Variants in CDH26 observed in about 807,000 individuals in gnomAD.
CDH26 encodes cadherin 26, also known as cadherin-like protein 26.
In CDH26, 83 loss-of-function variants were observed where a neutral mutation model predicts 90.3. That is an observed-to-expected ratio of 0.92 (90% CI 0.77 to 1.10). CDH26 has a LOEUF of 1.10. Ranked by LOEUF, CDH26 falls within the 50% of genes least tolerant of loss-of-function variation. The pLI, the probability that CDH26 is intolerant of heterozygous loss-of-function variation, is 0.00. For missense variants in CDH26, 1,013 were observed against 1,037.6 expected, an observed-to-expected ratio of 0.98 and a Z score of 0.33; for synonymous variants, 397 against 396.3, an observed-to-expected ratio of 1.00 and a Z score of -0.02.
Position 59,970,196 on chromosome 20 carries a change from C to T in CDH26, c.231+10C>T, listed in dbSNP as rs1407595449. On this transcript the variant is annotated intron_variant, in intron 3 of 17. Coordinates refer to ENST00000348616, the MANE Select transcript of CDH26 (RefSeq NM_177980.4). ...CAAACTCATTGGTGAGGTAAGGTGC[C>T]TACTCTTAAGGAATGACCCCATCAT... The T allele has an allele frequency of 1.2e-6, 2 of 1,612,484 alleles. No homozygotes were observed. Among genetic ancestry groups the T allele is most frequent in the Admixed American group, 3.3e-5 (2 of 59,738 alleles).
chr20:59,965,529 C>G (rs1473865161), intron 1 of CDH26, among the ~76,000 whole-genome samples: 3 of 152,096 alleles, frequency 2.0e-5, no homozygotes, highest in Non-Finnish European at 2.9e-5. Flanking sequence ...AAAAGTGCCA[C>G]TATCTATATA....
intron 14 of CDH26, among the ~76,000 whole-genome samples, chr20:60,000,841 C>G (rs1327411298): frequency 1.3e-5 from 2 of 152,194 alleles, no homozygotes; most frequent in Non-Finnish European, 2.9e-5. Flanking sequence ...TATGGGGTAA[C>G]CTGATACTTT....
At chr20:60,025,811 T>A (rs2061992607) in intron 7 of CDH26, among the ~76,000 whole-genome samples, 1 of 152,206 alleles carries the variant, frequency 6.6e-6, no homozygotes, top group Admixed American at 6.5e-5. Flanking sequence ...GCACCTAGAC[T>A]GCCAAGCACT....
At chr20:60,002,553 T>C (rs2061690753) in intron 15 of CDH26, among the ~76,000 whole-genome samples, 1 of 152,104 alleles carries the variant, frequency 6.6e-6, no homozygotes, top group African/African-American at 2.4e-5. Context: ...ATTCAGGGCA[T>C]GGCCATGGCA....
intron 7 of CDH26, among the ~76,000 whole-genome samples, chr20:60,029,919 AAATAAATG>A (rs982396370): frequency 2.0e-4 from 31 of 152,160 alleles, no homozygotes; most frequent in Non-Finnish European, 4.0e-4. Context: ...CACCAAAAAT[AAATAAATG>A]AATAAATGAA....
chr20:59,989,848 G>T (rs908904807), intron 9 of CDH26, among the ~76,000 whole-genome samples: 13 of 151,928 alleles, frequency 8.6e-5, no homozygotes, highest in Non-Finnish European at 2.9e-5. Context: ...AAAAGTGAGG[G>T]TTTTTTTTGT....
At chr20:60,008,464 T>G (rs1431305870) in intron 17 of CDH26, among the ~76,000 whole-genome samples, 1 of 152,106 alleles carries the variant, frequency 6.6e-6, no homozygotes, top group Non-Finnish European at 1.5e-5. Flanking sequence ...GGGGGCTCAT[T>G]AAAAAGCAGC....
chr20:59,973,987 T>C (rs1197030839), intron 4 of CDH26, among the ~76,000 whole-genome samples: 2 of 152,242 alleles, frequency 1.3e-5, no homozygotes, highest in African/African-American at 4.8e-5. Flanking sequence ...TCCACAATGG[T>C]TGAAGTAATT....
At chr20:59,994,619 T>A in intron 11 of CDH26, 130 bp downstream of exon 11, 1 of 1,168,222 alleles carries the variant, frequency 8.6e-7, no homozygotes, top group Non-Finnish European at 1.2e-6. Flanking sequence ...GAGCTGGCTC[T>A]AGGTGCTCAA....
At chr20:60,010,050 C>T (rs536550383) in intron 17 of CDH26, among the ~76,000 whole-genome samples, 18 of 152,234 alleles carry the variant, frequency 1.2e-4, no homozygotes, top group Middle Eastern at 3.4e-3. Context: ...AGCATTCCCG[C>T]GCTTCTCGTG....
intron 1 of CDH26, among the ~76,000 whole-genome samples, chr20:59,967,012 G>A (rs2061157922): frequency 6.6e-6 from 1 of 152,000 alleles, no homozygotes; most frequent in Non-Finnish European, 1.5e-5. Context: ...AATGTTATGG[G>A]ATGATGATTA....
At position 59,996,768 on chromosome 20, in the gene CDH26, G is replaced by A. The variant is rs756721221; in HGVS notation, c.2019+7G>A. On this transcript the variant is annotated splice_region_variant and intron_variant, in intron 13 of 17. Transcript: ENST00000348616. The stretch of plus-strand genomic sequence containing the variant: ...CAAAGGCACTTCAGCCCAGGTAGTG[G>A]AATGTCATGCTTTGTGTCTTATGGC... The A allele has an allele frequency of 1.2e-6, 2 of 1,614,222 alleles. No individual in the cohort carries two copies. The highest frequency in any genetic ancestry group is 1.7e-6 in the Non-Finnish European group (2 of 1,180,040).
chr20:59,967,681 G>C (rs1359047909), intron 1 of CDH26, among the ~76,000 whole-genome samples: 1 of 150,800 alleles, frequency 6.6e-6, no homozygotes, highest in African/African-American at 2.4e-5. Context: ...CCTTTCGTTT[G>C]CTGCTGGTTC....
At chr20:59,965,657 C>T (rs1267520788) in intron 1 of CDH26, among the ~76,000 whole-genome samples, 3 of 152,144 alleles carry the variant, frequency 2.0e-5, no homozygotes, top group Non-Finnish European at 4.4e-5. Flanking sequence ...AAATTCTGGC[C>T]TCGAGCAGAT....
intron 7 of CDH26, among the ~76,000 whole-genome samples, chr20:60,026,657 T>C (rs2062000442): frequency 6.6e-6 from 1 of 152,176 alleles, no homozygotes; most frequent in Non-Finnish European, 1.5e-5. Context: ...CTGAGAGCGC[T>C]TGGGCATGCA....
chr20:60,019,150 C>T (rs998128163), downstream of CDH26, among the ~76,000 whole-genome samples: 2 of 152,024 alleles, frequency 1.3e-5, no homozygotes, highest in East Asian at 3.9e-4. Flanking sequence ...TATTCCTTTG[C>T]CTTTAACTTT....
chr20:59,969,728 A>G (rs2061228792), intron 2 of CDH26, among the ~76,000 whole-genome samples: 1 of 152,236 alleles, frequency 6.6e-6, no homozygotes, highest in Admixed American at 6.5e-5. Flanking sequence ...AGGAAGACTG[A>G]GAGATAAATG....
At chr20:59,989,825 G>A (rs190758519) in intron 9 of CDH26, among the ~76,000 whole-genome samples, 4 of 152,220 alleles carry the variant, frequency 2.6e-5, no homozygotes, top group Admixed American at 2.6e-4. Flanking sequence ...TACCTCTCTT[G>A]CTTCTGGGCA....
chr20:59,996,378 A>T, intron 12 of CDH26: 1 of 1,469,398 alleles, frequency 6.8e-7, no homozygotes, highest in Non-Finnish European at 9.0e-7. Flanking sequence ...AAGGCTAATA[A>T]GAAAGCAGCT....
Sources: gnomAD v4.1 joint callset for allele counts (sites outside exome capture counted in the v4.1 genomes callset) on GRCh38, gnomAD v4.1.1 for gene constraint, MANE v1.5 for transcripts, NCBI Gene and HGNC (gene_info 2026-07-23, HGNC 2026-07-21) for gene names.